The following TFDP2 variants were observed in gnomAD, a reference collection of about 807,000 sequenced individuals.
TFDP2 encodes transcription factor Dp-2 (E2F dimerization partner 2).
In TFDP2, 17 loss-of-function variants were observed where a neutral mutation model predicts 59.3. That is an observed-to-expected ratio of 0.29 (90% confidence interval 0.20 to 0.43). The LOEUF (loss-of-function observed/expected upper bound fraction) is 0.43. Among genes scored for constraint, TFDP2 ranks in the 20% least tolerant of loss-of-function variants. The pLI is 1.00. For synonymous variants in TFDP2, 180 were observed against 194.7 expected, an observed-to-expected ratio of 0.92 and a Z score of 0.63; for missense variants, 391 against 528.8, an observed-to-expected ratio of 0.74 and a Z score of 2.56.
chr3:142,131,649 C>T lies in TFDP2; in HGVS notation c.-93+17534G>A, dbSNP rs533698623. Among the ~76,000 whole-genome samples, 3 of 150,004 alleles carry T rather than the reference C, an allele frequency of 2.0e-5. No individual in the cohort carries two copies. The East Asian group carries it at 5.8e-4, about 29-fold the overall frequency. On this transcript the variant is annotated intron_variant, in intron 1 of 12. Coordinates refer to ENST00000489671, the MANE Select transcript of TFDP2 (RefSeq NM_001178139.2). ...TATAATGGTAAAGAAAATCCAACAC[C>T]AACAAAGAATACTTAGTAATAAATG...
intron 3 of TFDP2, among the ~76,000 whole-genome samples, chr3:142,070,783 G>A (rs1250265896): frequency 1.3e-5 from 2 of 152,106 alleles, no homozygotes; most frequent in Non-Finnish European, 2.9e-5. Flanking sequence ...TTTGAAGTAT[G>A]TTTTATTTTA....
chr3:142,073,550 A>T (rs2060334429), intron 3 of TFDP2, among the ~76,000 whole-genome samples: 1 of 148,694 alleles, frequency 6.7e-6, no homozygotes. Flanking sequence ...ATTATATTGG[A>T]CAGAGGAGTG....
chr3:142,005,643 A>G (rs1000116966), intron 3 of TFDP2, 99 bp from the exon 4 acceptor site: 1 of 718,806 alleles, frequency 1.4e-6, no homozygotes, highest in African/African-American at 1.8e-5. Flanking sequence ...TGTTGAGGTA[A>G]TTTATAATTA....
chr3:142,056,663 C>T (rs2059759235), intron 3 of TFDP2, among the ~76,000 whole-genome samples: 1 of 152,180 alleles, frequency 6.6e-6, no homozygotes, highest in South Asian at 2.1e-4. Context: ...ACTACTCTTA[C>T]TTGTCCCCAA....
chr3:141,978,757 G>A (rs1026825851), intron 6 of TFDP2, 75 bp from the exon 7 acceptor site: 1 of 1,088,896 alleles, frequency 9.2e-7, no homozygotes, highest in Non-Finnish European at 1.2e-6. Flanking sequence ...GTAAGATAAT[G>A]CAAGAAGACA....
At chr3:142,089,234 A>G (rs77878851) in intron 3 of TFDP2, among the ~76,000 whole-genome samples, 1 of 145,864 alleles carries the variant, frequency 6.9e-6, no homozygotes. Context: ...TCCTCAGTAG[A>G]AAAAAAAAAA....
intron 3 of TFDP2, among the ~76,000 whole-genome samples, chr3:142,037,635 G>T (rs1452430997): frequency 6.6e-6 from 1 of 152,136 alleles, no homozygotes; most frequent in African/African-American, 2.4e-5. Flanking sequence ...TGGTTTTGTG[G>T]GGGGAAAAGT....
intron 3 of TFDP2, among the ~76,000 whole-genome samples, chr3:142,037,624 A>G (rs1029819257): frequency 6.6e-6 from 1 of 152,212 alleles, no homozygotes; most frequent in Non-Finnish European, 1.5e-5. Context: ...ACATAAGGAA[A>G]TGGTTTTGTG....
chr3:142,000,478 C>A, intron 4 of TFDP2: 1 of 493,434 alleles, frequency 2.0e-6, no homozygotes, highest in South Asian at 3.8e-5. Context: ...CTTAATACCA[C>A]CACAGTAGGG....
chr3:142,039,799 C>T (rs551874074), intron 3 of TFDP2, among the ~76,000 whole-genome samples: 1 of 152,122 alleles, frequency 6.6e-6, no homozygotes, highest in African/African-American at 2.4e-5. Context: ...AGAGACTCCC[C>T]CTCTGTGATG....
chr3:141,993,284 A>C (rs80275475), intron 6 of TFDP2, among the ~76,000 whole-genome samples: 10,627 of 152,236 alleles, frequency 0.07, 468 homozygotes, highest in Non-Finnish European at 0.1. Flanking sequence ...CTCTTCATTT[A>C]CCAGATGGAA....
intron 1 of TFDP2, among the ~76,000 whole-genome samples, chr3:142,141,198 G>C (rs1577074676): frequency 6.6e-6 from 1 of 152,246 alleles, no homozygotes; most frequent in Admixed American, 6.5e-5. Flanking sequence ...GAATCTCCTG[G>C]TCTGCCAGTT....
intron 3 of TFDP2, among the ~76,000 whole-genome samples, chr3:142,019,057 T>A (rs2108343349): frequency 6.6e-6 from 1 of 151,560 alleles, no homozygotes; most frequent in African/African-American, 2.4e-5. Flanking sequence ...TCGCACATTT[T>A]TTTTTTTTTT....
At chr3:141,974,232 T>C (rs1940262841) in intron 7 of TFDP2, 41 bp from the exon 8 acceptor site, 1 of 1,529,636 alleles carries the variant, frequency 6.5e-7, no homozygotes, top group Non-Finnish European at 8.8e-7. Context: ...ATCTTAAGGG[T>C]TAAGATACAG....
intron 3 of TFDP2, among the ~76,000 whole-genome samples, chr3:142,016,746 C>T (rs749714283): frequency 5.3e-5 from 8 of 152,202 alleles, no homozygotes; most frequent in Non-Finnish European, 8.8e-5. Flanking sequence ...AAGTGGATTA[C>T]ATTATACTAG....
At chr3:141,991,241 T>C (rs1323814747) in intron 6 of TFDP2, among the ~76,000 whole-genome samples, 1 of 152,182 alleles carries the variant, frequency 6.6e-6, no homozygotes, top group Admixed American at 6.5e-5. Flanking sequence ...TCCCAATAAA[T>C]TTTTTTATGG....
intron 6 of TFDP2, among the ~76,000 whole-genome samples, chr3:141,979,894 T>C (rs1941272673): frequency 6.6e-6 from 1 of 151,162 alleles, no homozygotes; most frequent in African/African-American, 2.4e-5. Context: ...TGGCCCTCTG[T>C]CTCAGTTTTC....
At chr3:141,963,719 C>A in intron 10 of TFDP2, 93 bp downstream of exon 10, 8 of 1,434,478 alleles carry the variant, frequency 5.6e-6, no homozygotes, top group Non-Finnish European at 7.5e-6. Context: ...TTGAGGGGTG[C>A]AACTAATAAA....
chr3:142,126,158 G>T (rs5028811), intron 1 of TFDP2: 76,582 of 151,122 alleles, frequency 0.51, 19,928 homozygotes, highest in East Asian at 0.71. Context: ...CCAGTCATGG[G>T]GTTCCCAGAA....
Sources: gnomAD v4.1 joint callset for allele counts (sites outside exome capture counted in the v4.1 genomes callset) on GRCh38, gnomAD v4.1.1 for gene constraint, MANE v1.5 for transcripts, NCBI Gene and HGNC (gene_info 2026-07-23, HGNC 2026-07-21) for gene names.